The following GADL1 variants were observed in gnomAD, a reference collection of about 807,000 sequenced individuals.
The protein encoded by GADL1 is GAD like acidic amino acid decarboxylase 1.
GADL1 carries 71 observed loss-of-function variants against 69.5 expected under a neutral mutation model. That is an observed-to-expected ratio of 1.02 (90% CI 0.84 to 1.25). The LOEUF (loss-of-function observed/expected upper bound fraction) is 1.25. Among genes scored for constraint, GADL1 ranks in the 50% most tolerant of loss-of-function variants. The pLI, the probability that GADL1 is intolerant of heterozygous loss-of-function variation, is 0.00. For synonymous variants in GADL1, 254 were observed against 214.4 expected (o/e 1.18, Z -1.62); for missense variants, 737 against 631.8 (o/e 1.17, Z -1.79).
intron 12 of GADL1, 86 bp from the exon 13 acceptor site, chr3:30,786,492 A>C: frequency 1.3e-6 from 1 of 741,996 alleles, no homozygotes; most frequent in Non-Finnish European, 2.4e-6. Context: ...TGATTCAGAC[A>C]GGGCTTGGAG....
At chr3:30,849,536 C>CTGTGTG (rs71914328) in intron 6 of GADL1, among the ~76,000 whole-genome samples, 3 of 148,826 alleles carry the variant, frequency 2.0e-5, no homozygotes, top group Admixed American at 1.3e-4. Context: ...GTGGCAATAT[C>CTGTGTG]TGTGTGTGTG....
Position 30,727,808 on chromosome 3 carries a change from G to T in GADL1, c.*434C>A, listed in dbSNP as rs117648623. The T allele has an allele frequency of 5.7e-3, 871 of 153,082 alleles. 48 individuals carry two copies. The East Asian group carries it at 0.098, about 17-fold the overall frequency. 9.5% of individuals were successfully genotyped at this position (153,082 alleles called of 1,614,324 possible). On this transcript the variant is annotated 3_prime_UTR_variant, in exon 15 of 15. Transcript: ENST00000282538. ...CACCCCCAGAGCTTCTGATCCAGTT[G>T]GTCTAGAGAAAGCCTGAGAATCTGC...
chr3:30,819,021 T>TA (rs898676959), intron 11 of GADL1, among the ~76,000 whole-genome samples: 16 of 152,114 alleles, frequency 1.1e-4, no homozygotes, highest in African/African-American at 3.6e-4. Context: ...CACAGGGGGC[T>TA]ATCCCAGGCA....
chr3:30,768,041 C>A (rs914539203), intron 14 of GADL1, among the ~76,000 whole-genome samples: 3 of 150,828 alleles, frequency 2.0e-5, no homozygotes, highest in African/African-American at 7.3e-5. Flanking sequence ...CCATACCCCC[C>A]CCCCCCTTAT....
intron 4 of GADL1, among the ~76,000 whole-genome samples, chr3:30,854,079 C>T (rs1335964805): frequency 6.6e-6 from 1 of 152,122 alleles, no homozygotes; most frequent in Non-Finnish European, 1.5e-5. Flanking sequence ...CCTTTCAGTT[C>T]ATAGAGAATG....
At chr3:30,856,639 G>T (rs546405778) in intron 3 of GADL1, among the ~76,000 whole-genome samples, 97 of 151,800 alleles carry the variant, frequency 6.4e-4, no homozygotes, top group South Asian at 2.3e-3. Flanking sequence ...GCATACTCTG[G>T]GCCATCAAGA....
chr3:30,758,694 T>G (rs2040787372), intron 14 of GADL1, among the ~76,000 whole-genome samples: 2 of 152,246 alleles, frequency 1.3e-5, no homozygotes, highest in African/African-American at 4.8e-5. Context: ...ATCACTGAGA[T>G]AAAGGTTTTC....
At position 30,728,339 on chromosome 3, in the gene GADL1, AC is replaced by A. The variant is rs967232899; in HGVS notation, c.1468del (p.Val490SerfsTer8). 1.9e-6 allele frequency: 3 copies of A among 1,613,684 alleles called. No homozygotes were observed. The African/African-American group carries it at 4.0e-5, about 22-fold the overall frequency. On this transcript the variant is annotated frameshift_variant, in exon 15 of 15. Coordinates refer to ENST00000282538, the MANE Select transcript of GADL1 (RefSeq NM_207359.3). LOFTEE classifies it high-confidence loss of function. The part of the protein sequence containing the change: ...MLGYQPHRGK[V>X]NFFRQVVISP... ...GATCACCACCTGGCGGAAGAAGTTGACCTTTCCCCGGTGCGGCTGGTAGCCC... is the reference window on the plus strand; with the variant it reads ...GATCACCACCTGGCGGAAGAAGTTGACTTTCCCCGGTGCGGCTGGTAGCCC...
intron 14 of GADL1, among the ~76,000 whole-genome samples, chr3:30,733,859 A>C (rs1295194479): frequency 2.0e-5 from 3 of 152,156 alleles, no homozygotes; most frequent in Non-Finnish European, 4.4e-5. Context: ...TAACATGTCA[A>C]GACAATTCAG....
chr3:30,772,026 C>T lies in GADL1; in HGVS notation c.1392+6153G>A, dbSNP rs556799360. ...AGATGTCTTCACTGTGAGGTTTCCA[C>T]GGAAGCACATCACCCTACTCAGATT... On this transcript the variant is annotated intron_variant, in intron 14 of 14. Coordinates refer to ENST00000282538, the MANE Select transcript of GADL1 (RefSeq NM_207359.3). Among the ~76,000 whole-genome samples, 16 of 151,310 alleles carry T rather than the reference C, an allele frequency of 1.1e-4. No individual in the cohort carries two copies. The South Asian group carries it at 1.9e-3, about 18-fold the overall frequency.
intron 12 of GADL1, among the ~76,000 whole-genome samples, chr3:30,791,270 A>G (rs1696908063): frequency 1.3e-5 from 2 of 152,200 alleles, no homozygotes; most frequent in Non-Finnish European, 2.9e-5. Context: ...TCAGGCACAA[A>G]TGTACTGGCA....
At chr3:30,883,999 T>G (rs1698674577) in intron 1 of GADL1, among the ~76,000 whole-genome samples, 1 of 152,054 alleles carries the variant, frequency 6.6e-6, no homozygotes, top group East Asian at 1.9e-4. Context: ...GTCTAAGTCC[T>G]TCAACTCTAA....
intron 1 of GADL1, among the ~76,000 whole-genome samples, chr3:30,893,310 T>C (rs574947021): frequency 5.3e-4 from 80 of 152,202 alleles, no homozygotes; most frequent in Non-Finnish European, 9.0e-4. Flanking sequence ...TGGGCTACAA[T>C]ATGATGCTTC....
At chr3:30,878,252 G>C (rs1698602339) in intron 1 of GADL1, among the ~76,000 whole-genome samples, 1 of 151,884 alleles carries the variant, frequency 6.6e-6, no homozygotes, top group East Asian at 1.9e-4. Context: ...TTAAAATTAA[G>C]TTCTTATTTA....
chr3:30,752,224 C>T (rs1025514465), intron 14 of GADL1, among the ~76,000 whole-genome samples: 4 of 152,168 alleles, frequency 2.6e-5, no homozygotes, highest in African/African-American at 9.7e-5. Flanking sequence ...ACAGCTTTTC[C>T]TTTTAAACTT....
At chr3:30,737,270 G>C (rs1404848468) in intron 14 of GADL1, among the ~76,000 whole-genome samples, 1 of 152,080 alleles carries the variant, frequency 6.6e-6, no homozygotes, top group Admixed American at 6.6e-5. Flanking sequence ...GAGGTAAGAG[G>C]AGTTTAGTAA....
chr3:30,884,800 TTTA>T (rs1451287352), intron 1 of GADL1, among the ~76,000 whole-genome samples: 84 of 152,192 alleles, frequency 5.5e-4, no homozygotes, highest in African/African-American at 2.0e-3. Flanking sequence ...GTGATAAATA[TTTA>T]TTGAGGGAGG....
At chr3:30,806,170 G>T (rs527790356) in intron 11 of GADL1, among the ~76,000 whole-genome samples, 11 of 152,106 alleles carry the variant, frequency 7.2e-5, no homozygotes, top group Admixed American at 3.9e-4. Context: ...CTTCCCGTAT[G>T]GCCCTTCCTA....
At chr3:30,879,418 T>C (rs1199970013) in intron 1 of GADL1, among the ~76,000 whole-genome samples, 1 of 151,898 alleles carries the variant, frequency 6.6e-6, no homozygotes, top group African/African-American at 2.4e-5. Flanking sequence ...TTCTGAATCA[T>C]TTCCACCCCT....
Sources: allele counts gnomAD v4.1 joint callset (sites outside exome capture counted in the v4.1 genomes callset), GRCh38; gene constraint gnomAD v4.1.1; transcripts MANE v1.5; gene names NCBI Gene and HGNC (gene_info 2026-07-23, HGNC 2026-07-21).